TACC1: variants seen among roughly 807,000 people sequenced by gnomAD.
The protein encoded by TACC1 is transforming acidic coiled-coil containing protein 1.
TACC1 carries 48 observed loss-of-function variants against 84.4 expected under a neutral mutation model. That is an observed-to-expected ratio of 0.57 (90% confidence interval 0.45 to 0.72). TACC1 has a LOEUF of 0.72. TACC1 is among the 30% of genes least tolerant of loss of function. TACC1 has a pLI of 0.00. For missense variants in TACC1, 920 were observed against 973.0 expected, an observed-to-expected ratio of 0.95 and a Z score of 0.72; for synonymous variants, 372 against 376.3, an observed-to-expected ratio of 0.99 and a Z score of 0.13.
chr8:38,805,972 G>A (rs1477342533), intron 2 of TACC1, among the ~76,000 whole-genome samples: 1 of 152,194 alleles, frequency 6.6e-6, no homozygotes, highest in Non-Finnish European at 1.5e-5. Flanking sequence ...AGCAATCTAG[G>A]CCACTGCCTT....
chr8:38,823,961 T>C lies in TACC1; in HGVS notation c.1392-1347T>C, dbSNP rs1443126954. ...TTTTTTCTCCATCTGTCTGTCTCTT[T>C]CCTGTCTCTAATTTTGTTGGTGCAT... is the stretch of plus-strand genomic sequence containing the variant. On this transcript the variant is annotated intron_variant, in intron 3 of 12. Transcript: ENST00000317827. 3.0e-6 allele frequency: 4 copies of C among 1,350,374 alleles called. No individual in the cohort carries two copies. In the Admixed American group the frequency reaches 5.7e-5, roughly 19 times the overall value. 83.6% of individuals were successfully genotyped at this position (1,350,374 alleles called of 1,614,324 possible).
At chr8:38,751,660 C>T (rs1809058111) in intron 3 of TACC1, among the ~76,000 whole-genome samples, 2 of 152,066 alleles carry the variant, frequency 1.3e-5, no homozygotes. Context: ...AAGGAATGTA[C>T]ATTTTTTGGA....
intron 3 of TACC1, among the ~76,000 whole-genome samples, chr8:38,757,815 T>TA (rs1810411463): frequency 6.6e-6 from 1 of 152,220 alleles, no homozygotes; most frequent in Admixed American, 6.5e-5. Context: ...CAATTGGCGT[T>TA]GGCCCTCGGG....
At chr8:38,832,467 A>G (rs1829454644) in intron 6 of TACC1, among the ~76,000 whole-genome samples, 1 of 152,256 alleles carries the variant, frequency 6.6e-6, no homozygotes, top group South Asian at 2.1e-4. Context: ...CTGCTTCCTT[A>G]GAACATTGAA....
intron 2 of TACC1, chr8:38,802,247 T>G (rs1364502620): frequency 6.6e-6 from 1 of 152,298 alleles, no homozygotes; most frequent in African/African-American, 2.4e-5. Flanking sequence ...CAGTCCGTTT[T>G]GTATTGCTGT....
intron 3 of TACC1, among the ~76,000 whole-genome samples, chr8:38,765,364 A>ACCTTTTTCTTG (rs1382796301): frequency 1.3e-5 from 2 of 152,102 alleles, no homozygotes; most frequent in Non-Finnish European, 2.9e-5. Flanking sequence ...ATGGAAAATA[A>ACCTTTTTCTTG]CCTTTTTCTT....
intron 12 of TACC1, 106 bp downstream of exon 12, chr8:38,846,925 A>G: frequency 7.3e-7 from 1 of 1,366,678 alleles, no homozygotes; most frequent in Non-Finnish European, 9.9e-7. Flanking sequence ...TTGGCTTTCT[A>G]CTCAGACATT....
In TACC1 at chr8:38,820,048, T is replaced by C. The variant is rs774730286; in HGVS notation, c.804T>C (p.Pro268=). The change falls in exon 3 of 13, where the codon CCT becomes CCC. Residue 268 remains proline, a synonymous_variant. Coordinates refer to ENST00000317827, the MANE Select transcript of TACC1 (RefSeq NM_006283.3). ...CCAAGGCATCCTATCACTTCAGTCC[T>C]GAAGAGTTGGATGAGAACACAAGTC... ...PLPKASYHFS[P]EELDENTSPL... The C allele has an allele frequency of 6.2e-7, 1 of 1,614,108 alleles. No individual in the cohort carries two copies. The highest frequency in any genetic ancestry group is 8.5e-7 in the Non-Finnish European group (1 of 1,180,026).
chr8:38,753,907 T>C (rs187232104), intron 3 of TACC1, among the ~76,000 whole-genome samples: 66 of 137,034 alleles, frequency 4.8e-4, no homozygotes, highest in Admixed American at 9.3e-4. Context: ...CTTTTTCTTT[T>C]TCTTTCTTTC....
intron 3 of TACC1, among the ~76,000 whole-genome samples, chr8:38,751,288 T>G (rs1808990507): frequency 6.6e-6 from 1 of 152,278 alleles, no homozygotes; most frequent in African/African-American, 2.4e-5. Flanking sequence ...TAAAACTGAG[T>G]ATCTTCATCT....
rs1262344091 is a variant in TACC1 at position 38,827,041 on chromosome 8, C to T, written c.1453-127C>T. ...TCCAACTTCCTCCTTGCTTTGTACCCAGGTCTGTGGTTAACCTCTCACATA... is the reference window on the plus strand; with the variant it reads ...TCCAACTTCCTCCTTGCTTTGTACCTAGGTCTGTGGTTAACCTCTCACATA... On this transcript the variant is annotated intron_variant, in intron 4 of 12. Coordinates refer to ENST00000317827, the MANE Select transcript of TACC1 (RefSeq NM_006283.3). 1.6e-5 allele frequency: 12 copies of T among 728,100 alleles called. No individual in the cohort carries two copies. In the South Asian group the frequency reaches 2.1e-4, roughly 13 times the overall value. 45.1% of individuals were successfully genotyped at this position (728,100 alleles called of 1,614,324 possible).
At chr8:38,817,921 A>G in intron 2 of TACC1, among the ~76,000 whole-genome samples, 1 of 46,720 alleles carries the variant, frequency 2.1e-5, no homozygotes, top group African/African-American at 6.7e-5. Context: ...GAGACCCCTA[A>G]AAAAAAAAAA....
chr8:38,846,283 CAAAAAA>C (rs538545237), intron 11 of TACC1: 3 of 59,660 alleles, frequency 5.0e-5, no homozygotes, highest in Non-Finnish European at 9.4e-5. Context: ...GACTCCATCT[CAAAAAA>C]AAAAAAAAAA....
intron 3 of TACC1, among the ~76,000 whole-genome samples, chr8:38,751,732 C>T (rs951911346): frequency 3.3e-5 from 5 of 151,754 alleles, no homozygotes; most frequent in African/African-American, 1.2e-4. Flanking sequence ...TTATATGCAC[C>T]GAGAAACCAA....
intron 3 of TACC1, among the ~76,000 whole-genome samples, chr8:38,764,675 C>T (rs1038456272): frequency 6.6e-6 from 1 of 152,082 alleles, no homozygotes; most frequent in Non-Finnish European, 1.5e-5. Flanking sequence ...TAGGAAAATG[C>T]TAAGGTCTTG....
intron 3 of TACC1, among the ~76,000 whole-genome samples, chr8:38,769,940 GTGTA>G (rs1813231723): frequency 6.6e-6 from 1 of 150,950 alleles, no homozygotes; most frequent in South Asian, 2.1e-4. Flanking sequence ...GTGTGACTGT[GTGTA>G]TGGTGTGTGT....
At chr8:38,798,606 C>CGTGCGTGTGTGT (rs1820553849) in intron 2 of TACC1, among the ~76,000 whole-genome samples, 2 of 143,396 alleles carry the variant, frequency 1.4e-5, no homozygotes, top group Admixed American at 1.4e-4. Context: ...CTGGGTTCTG[C>CGTGCGTGTGTGT]GTGTGTGTGT....
At chr8:38,799,666 G>A (rs1320749700) in intron 2 of TACC1, 1 of 152,184 alleles carries the variant, frequency 6.6e-6, no homozygotes, top group Non-Finnish European at 1.5e-5. Flanking sequence ...TATAACTCTA[G>A]GATGTTTCAT....
chr8:38,843,087 T>C (rs1479493615), intron 10 of TACC1, among the ~76,000 whole-genome samples: 7 of 152,230 alleles, frequency 4.6e-5, no homozygotes, highest in African/African-American at 1.7e-4. Flanking sequence ...CTGTATGATA[T>C]TGAAAATTAA....
Sources: allele counts gnomAD v4.1 joint callset (sites outside exome capture counted in the v4.1 genomes callset), GRCh38; gene constraint gnomAD v4.1.1; transcripts MANE v1.5; gene names NCBI Gene and HGNC (gene_info 2026-07-23, HGNC 2026-07-21).